NCOA1: variants seen among roughly 807,000 people sequenced by gnomAD.
NCOA1 encodes the protein nuclear receptor coactivator 1.
NCOA1 carries 35 observed loss-of-function variants against 150.9 expected under a neutral mutation model. The observed-to-expected ratio is 0.23, with a 90% CI of 0.18 to 0.31. NCOA1 has a LOEUF of 0.31. NCOA1 is among the 10% of genes least tolerant of loss of function. The pLI, the probability that NCOA1 is intolerant of heterozygous loss-of-function variation, is 1.00. For synonymous variants in NCOA1, 590 were observed against 630.0 expected, an observed-to-expected ratio of 0.94 and a Z score of 0.95; for missense variants, 1,491 against 1,749.3, an observed-to-expected ratio of 0.85 and a Z score of 2.63.
intron 21 of NCOA1, among the ~76,000 whole-genome samples, chr2:24,759,517 T>C (rs1664669282): frequency 6.6e-6 from 1 of 152,206 alleles, no homozygotes; most frequent in South Asian, 2.1e-4. Flanking sequence ...TACATATTTT[T>C]AGAAGAGAAT....
chr2:24,730,368 A>G (rs952738803), intron 17 of NCOA1, among the ~76,000 whole-genome samples: 3 of 152,236 alleles, frequency 2.0e-5, no homozygotes, highest in African/African-American at 7.2e-5. Context: ...TTAGAGACCT[A>G]TAACTTAAAG....
chr2:24,675,151 G>T (rs2148523710), intron 7 of NCOA1, among the ~76,000 whole-genome samples: 1 of 152,272 alleles, frequency 6.6e-6, no homozygotes, highest in Non-Finnish European at 1.5e-5. Context: ...CATTTACTGG[G>T]AAGGTTTATC....
chr2:24,768,539 AAAG>A lies in NCOA1; in HGVS notation c.*149_*151del, dbSNP rs1210295626. The A allele has an allele frequency of 1.0e-5, 6 of 583,244 alleles. No individual in the cohort carries two copies. Among genetic ancestry groups the A allele is most frequent in the South Asian group, 7.6e-5 (1 of 13,086 alleles). 36.1% of individuals were successfully genotyped at this position (583,244 alleles called of 1,614,324 possible). On this transcript the variant is annotated 3_prime_UTR_variant, in exon 23 of 23. Coordinates refer to ENST00000348332, the MANE Select transcript of NCOA1 (RefSeq NM_003743.5). Reference sequence around the variant, plus strand: ...AGCAAAAAAAAAAAAAAAAAAAAAAAAAGGAGTTTGCTTTTGTCGGGAGATTGA... The same window carrying A: ...AGCAAAAAAAAAAAAAAAAAAAAAAAGAGTTTGCTTTTGTCGGGAGATTGA...
intron 5 of NCOA1, among the ~76,000 whole-genome samples, chr2:24,665,036 TA>T (rs1558885200): frequency 1.3e-5 from 2 of 152,228 alleles, no homozygotes; most frequent in African/African-American, 4.8e-5. Flanking sequence ...ACATTTGGTA[TA>T]TTTTTTTAAA....
At chr2:24,573,493 G>A (rs928614170) in intron 2 of NCOA1, among the ~76,000 whole-genome samples, 1 of 152,064 alleles carries the variant, frequency 6.6e-6, no homozygotes, top group African/African-American at 2.4e-5. Flanking sequence ...ATATTGTATG[G>A]ATGCATTTAA....
intron 14 of NCOA1, among the ~76,000 whole-genome samples, chr2:24,715,959 G>A (rs1422137790): frequency 2.0e-5 from 3 of 152,036 alleles, no homozygotes; most frequent in Non-Finnish European, 4.4e-5. Flanking sequence ...TGGTTAACAT[G>A]GTGAAACCCC....
chr2:24,670,139 G>GA (rs70947834), intron 6 of NCOA1, among the ~76,000 whole-genome samples: 86,308 of 151,442 alleles, frequency 0.57, 25,832 homozygotes, highest in Admixed American at 0.73. Flanking sequence ...AGTGTCTTAG[G>GA]AAAAAAAACA....
intron 1 of NCOA1, among the ~76,000 whole-genome samples, chr2:24,563,256 C>T (rs1666358995): frequency 6.6e-6 from 1 of 152,252 alleles, no homozygotes; most frequent in Non-Finnish European, 1.5e-5. Flanking sequence ...GATGAGAAAG[C>T]ATAACTGGGG....
chr2:24,658,604 T>G, intron 4 of NCOA1, 57 bp from the exon 5 acceptor site: 4 of 1,320,070 alleles, frequency 3.0e-6, no homozygotes, highest in Non-Finnish European at 4.4e-6. Flanking sequence ...TTCCCTACCT[T>G]TATTTGGTTG....
In NCOA1 at chr2:24,742,026, T is replaced by C; in HGVS notation, c.3546T>C (p.Ala1182=). ...GTACAAATCCAGGAACCCCACCTGCTTCTACCAGCCCGTTTTCACAACTAG... is the reference window on the plus strand; with the variant it reads ...GTACAAATCCAGGAACCCCACCTGCCTCTACCAGCCCGTTTTCACAACTAG... The part of the protein sequence containing the change: ...NYGTNPGTPP[A]STSPFSQLAA... Residue 1182 remains alanine (A), a synonymous_variant, in exon 19 of 23, where the codon GCT becomes GCC. Coordinates refer to ENST00000348332, the MANE Select transcript of NCOA1 (RefSeq NM_003743.5). The C allele has an allele frequency of 6.2e-7, 1 of 1,614,230 alleles. No homozygotes were observed. Among genetic ancestry groups the C allele is most frequent in the Non-Finnish European group, 8.5e-7 (1 of 1,180,032 alleles).
chr2:24,627,684 T>G (rs1436856963), intron 3 of NCOA1, among the ~76,000 whole-genome samples: 1 of 152,182 alleles, frequency 6.6e-6, no homozygotes, highest in African/African-American at 2.4e-5. Context: ...CCATAATGTT[T>G]TGGAGATTTA....
At chr2:24,514,647 C>T (rs1014794278) in intron 1 of NCOA1, among the ~76,000 whole-genome samples, 25 of 151,492 alleles carry the variant, frequency 1.7e-4, no homozygotes, top group Admixed American at 4.6e-4. Context: ...TACAAAAATA[C>T]GAAAACTAGC....
At chr2:24,729,410 G>A (rs1662872475) in intron 16 of NCOA1, 91 bp from the exon 17 acceptor site, 1 of 1,242,764 alleles carries the variant, frequency 8.0e-7, no homozygotes, top group African/African-American at 1.5e-5. Flanking sequence ...AATTCAGAAT[G>A]AATATATGAT....
chr2:24,535,351 C>A (rs943904322), intron 1 of NCOA1, among the ~76,000 whole-genome samples: 1 of 152,012 alleles, frequency 6.6e-6, no homozygotes, highest in Non-Finnish European at 1.5e-5. Flanking sequence ...TGTCTCTGCA[C>A]GTGAGTGGGT....
chr2:24,743,876 T>C (rs1663744917), intron 19 of NCOA1, among the ~76,000 whole-genome samples: 1 of 152,184 alleles, frequency 6.6e-6, no homozygotes, highest in South Asian at 2.1e-4. Flanking sequence ...CCTCATGAAA[T>C]TATTCTAAGG....
intron 4 of NCOA1, among the ~76,000 whole-genome samples, chr2:24,644,926 C>A: frequency 6.6e-6 from 1 of 152,080 alleles, no homozygotes; most frequent in East Asian, 1.9e-4. Context: ...TCCATGTGTC[C>A]CAGCTGCACG....
rs143157512 is a variant in NCOA1, at chr2:24,624,988, A to G, written c.-174-18978A>G. Among the ~76,000 whole-genome samples, 41 of 152,318 alleles carry G rather than the reference A, an allele frequency of 2.7e-4. 4 individuals carry two copies. In the East Asian group the frequency reaches 7.9e-3, roughly 29 times the overall value. On this transcript the variant is annotated intron_variant, in intron 3 of 22. Coordinates refer to ENST00000348332, the MANE Select transcript of NCOA1 (RefSeq NM_003743.5). ...TGGTGTAGTGTGAAAGCAGCCATAG[A>G]CAGTAAGTCATAAACAAATGAGTGT... is the stretch of plus-strand genomic sequence containing the variant.
At chr2:24,722,478 T>C (rs981358272) in intron 14 of NCOA1, among the ~76,000 whole-genome samples, 29 of 152,184 alleles carry the variant, frequency 1.9e-4, no homozygotes, top group Admixed American at 1.7e-3. Flanking sequence ...TACGTTGATC[T>C]AAAAAGAATA....
chr2:24,576,180 T>TG (rs1666974011), intron 2 of NCOA1, among the ~76,000 whole-genome samples: 1 of 95,738 alleles, frequency 1.0e-5, no homozygotes, highest in African/African-American at 3.3e-5. Flanking sequence ...GTTTTTTTTT[T>TG]TTTTTTTTTT....
Sources: allele counts gnomAD v4.1 joint callset (sites outside exome capture counted in the v4.1 genomes callset), GRCh38; gene constraint gnomAD v4.1.1; transcripts MANE v1.5; gene names NCBI Gene and HGNC (gene_info 2026-07-23, HGNC 2026-07-21).